PPP3CA: variants seen among roughly 807,000 people sequenced by gnomAD.
PPP3CA encodes CAM-PRP catalytic subunit.
Under a neutral mutation model 66.5 loss-of-function variants are expected in PPP3CA, and 14 were observed. The ratio of observed to expected loss-of-function variants is 0.21; its 90% CI spans 0.14 to 0.33. The LOEUF is 0.33. Among genes scored for constraint, PPP3CA ranks in the 10% least tolerant of loss-of-function variants. The probability of loss-of-function intolerance (pLI) is 1.00; values close to 1 mark genes in which losing one functional copy is unlikely to be tolerated. For synonymous variants in PPP3CA, 232 were observed against 226.2 expected, an observed-to-expected ratio of 1.03 and a Z score of -0.23; for missense variants, 317 against 639.5, an observed-to-expected ratio of 0.50 and a Z score of 5.44.
At chr4:101,198,279 A>G (rs1426279751) in intron 1 of PPP3CA, among the ~76,000 whole-genome samples, 1 of 152,112 alleles carries the variant, frequency 6.6e-6, no homozygotes, top group Non-Finnish European at 1.5e-5. Flanking sequence ...ATGTTTTTCA[A>G]CAGCCACATT....
intron 1 of PPP3CA, among the ~76,000 whole-genome samples, chr4:101,251,248 G>T (rs886421827): frequency 1.3e-5 from 2 of 151,826 alleles, no homozygotes; most frequent in African/African-American, 4.8e-5. Context: ...TCATTTATTA[G>T]AAAAAAATGA....
intron 1 of PPP3CA, among the ~76,000 whole-genome samples, chr4:101,260,156 G>A (rs1252435387): frequency 6.6e-6 from 1 of 152,066 alleles, no homozygotes; most frequent in Non-Finnish European, 1.5e-5. Flanking sequence ...TCGTATCAAC[G>A]ACAAAGGTGC....
At chr4:101,332,483 C>T (rs535685256) in intron 1 of PPP3CA, among the ~76,000 whole-genome samples, 12 of 152,316 alleles carry the variant, frequency 7.9e-5, no homozygotes, top group African/African-American at 2.9e-4. Flanking sequence ...ACAGCCACTG[C>T]CAACCTGCCT....
chr4:101,142,705 C>T (rs1722847586), intron 2 of PPP3CA, among the ~76,000 whole-genome samples: 1 of 152,158 alleles, frequency 6.6e-6, no homozygotes, highest in Non-Finnish European at 1.5e-5. Flanking sequence ...GCCTGGCTTC[C>T]CTTCTTTTCT....
intron 2 of PPP3CA, among the ~76,000 whole-genome samples, chr4:101,188,781 CAGG>C (rs1439190194): frequency 6.6e-6 from 1 of 152,076 alleles, no homozygotes; most frequent in Admixed American, 6.6e-5. Context: ...AGACAAAATA[CAGG>C]AGAAGAATAG....
chr4:101,199,163 T>A (rs1210725074), intron 1 of PPP3CA, among the ~76,000 whole-genome samples: 1 of 152,214 alleles, frequency 6.6e-6, no homozygotes, highest in Non-Finnish European at 1.5e-5. Context: ...AAGGTCACAT[T>A]TATTTGCTTT....
intron 9 of PPP3CA, among the ~76,000 whole-genome samples, 154 bp downstream of exon 9, chr4:101,063,078 A>C (rs1232430197): frequency 6.6e-6 from 1 of 151,560 alleles, no homozygotes; most frequent in Non-Finnish European, 1.5e-5. Flanking sequence ...TAGGATACAG[A>C]GTGACACACT....
intron 1 of PPP3CA, among the ~76,000 whole-genome samples, chr4:101,197,178 A>G (rs1340089837): frequency 6.6e-6 from 1 of 152,182 alleles, no homozygotes; most frequent in Non-Finnish European, 1.5e-5. Flanking sequence ...CTCTCTCAGG[A>G]GAAGCACTTG....
At chr4:101,057,870 C>G (rs753318255) in intron 10 of PPP3CA, among the ~76,000 whole-genome samples, 5 of 152,232 alleles carry the variant, frequency 3.3e-5, no homozygotes, top group Non-Finnish European at 5.9e-5. Context: ...AAGGCCTGCA[C>G]TGCTATCATA....
At chr4:101,139,940 G>A (rs1348296835) in intron 2 of PPP3CA, among the ~76,000 whole-genome samples, 2 of 150,794 alleles carry the variant, frequency 1.3e-5, no homozygotes, top group African/African-American at 4.9e-5. Context: ...TTTTTTTCCG[G>A]GTATTTTTAA....
At chr4:101,155,229 G>A (rs578080742) in intron 2 of PPP3CA, among the ~76,000 whole-genome samples, 17 of 152,202 alleles carry the variant, frequency 1.1e-4, no homozygotes, top group Admixed American at 4.6e-4. Context: ...TCCTTTTGAC[G>A]TGTCCAGTAG....
intron 1 of PPP3CA, among the ~76,000 whole-genome samples, chr4:101,291,950 G>A (rs553037829): frequency 4.5e-4 from 69 of 152,200 alleles, no homozygotes; most frequent in African/African-American, 1.5e-3. Context: ...GCAATGTGAC[G>A]AAACCCTATC....
intron 1 of PPP3CA, among the ~76,000 whole-genome samples, chr4:101,233,418 T>C (rs1726027742): frequency 6.6e-6 from 1 of 151,840 alleles, no homozygotes; most frequent in Admixed American, 6.6e-5. Flanking sequence ...ACAGTGAAAC[T>C]AAGTCATTAA....
chr4:101,106,472 A>AAG, intron 3 of PPP3CA, among the ~76,000 whole-genome samples: 1 of 54,278 alleles, frequency 1.8e-5, no homozygotes, highest in African/African-American at 1.7e-4. Context: ...AAAGAAAAGA[A>AAG]AAGAAAAGAA....
chr4:101,300,072 G>C (rs1728328642), intron 1 of PPP3CA, among the ~76,000 whole-genome samples: 1 of 152,190 alleles, frequency 6.6e-6, no homozygotes, highest in South Asian at 2.1e-4. Flanking sequence ...CGGGGTGGAG[G>C]AAGTAAATAA....
At chr4:101,344,958 T>C (rs746125019) in intron 1 of PPP3CA, among the ~76,000 whole-genome samples, 2 of 152,234 alleles carry the variant, frequency 1.3e-5, no homozygotes, top group Non-Finnish European at 2.9e-5. Context: ...TTCTCTGATA[T>C]TTCTGCAAAG....
chr4:101,341,315 G>A lies in PPP3CA; in HGVS notation c.58+5424C>T, dbSNP rs143543951. Among the ~76,000 whole-genome samples, 887 of 151,138 alleles carry A rather than the reference G, an allele frequency of 5.9e-3. 6 individuals are homozygous for A. The highest frequency in any genetic ancestry group is 0.011 in the Non-Finnish European group (733 of 67,748). On this transcript the variant is annotated intron_variant, in intron 1 of 13. Transcript: ENST00000394854. ...TGTGAGCCACCACACCTGGCCAGTG[G>A]CAATTTTCAAAAATGTTTTCAAGCA... is the stretch of plus-strand genomic sequence containing the variant.
At chr4:101,184,941 C>G (rs1724362021) in intron 2 of PPP3CA, among the ~76,000 whole-genome samples, 1 of 152,104 alleles carries the variant, frequency 6.6e-6, no homozygotes, top group Non-Finnish European at 1.5e-5. Context: ...GGAGCTGCGG[C>G]AGTCCCACAG....
intron 1 of PPP3CA, 27 bp downstream of exon 1, chr4:101,346,712 C>T: frequency 6.2e-7 from 1 of 1,603,290 alleles, no homozygotes; most frequent in Non-Finnish European, 8.5e-7. Context: ...ACACGGTGCA[C>T]CCAGGCCACC....
Sources: allele counts gnomAD v4.1 joint callset (sites outside exome capture counted in the v4.1 genomes callset), GRCh38; gene constraint gnomAD v4.1.1; transcripts MANE v1.5; gene names NCBI Gene and HGNC (gene_info 2026-07-23, HGNC 2026-07-21).